PDE7A: variants seen among roughly 807,000 people sequenced by gnomAD.
PDE7A encodes phosphodiesterase 7A.
In PDE7A, 39 loss-of-function variants were observed where a neutral mutation model predicts 64.3. The ratio of observed to expected loss-of-function variants is 0.61; its 90% confidence interval spans 0.47 to 0.79. The LOEUF is 0.79. Among genes scored for constraint, PDE7A ranks in the 30% least tolerant of loss-of-function variants. The pLI is 0.00. For synonymous variants in PDE7A, 203 were observed against 206.8 expected (o/e 0.98, Z 0.16); for missense variants, 470 against 582.8 (o/e 0.81, Z 1.99).
intron 1 of PDE7A, among the ~76,000 whole-genome samples, chr8:65,811,138 T>G (rs907008166): frequency 1.3e-5 from 2 of 151,408 alleles, no homozygotes; most frequent in Non-Finnish European, 2.9e-5. Context: ...GAGGAGGAAG[T>G]GGAGAAAAAA....
At chr8:65,830,938 A>G (rs866861042) in intron 1 of PDE7A, among the ~76,000 whole-genome samples, 17 of 151,022 alleles carry the variant, frequency 1.1e-4, no homozygotes, top group Middle Eastern at 3.4e-3. Flanking sequence ...ATAACAGTTC[A>G]AAGAAAAAAA....
At chr8:65,785,441 T>C (rs1809526740) in intron 1 of PDE7A, among the ~76,000 whole-genome samples, 1 of 152,202 alleles carries the variant, frequency 6.6e-6, no homozygotes, top group Admixed American at 6.5e-5. Flanking sequence ...GGCATCATGC[T>C]TAAAGTGTCT....
intron 1 of PDE7A, among the ~76,000 whole-genome samples, chr8:65,830,956 T>C (rs546248434): frequency 6.6e-5 from 10 of 152,118 alleles, no homozygotes; most frequent in Non-Finnish European, 1.3e-4. Context: ...AAAAAGACTA[T>C]AAAAAATTCT....
chr8:65,830,586 T>C (rs1252858096), intron 1 of PDE7A, among the ~76,000 whole-genome samples: 1 of 152,118 alleles, frequency 6.6e-6, no homozygotes, highest in Non-Finnish European at 1.5e-5. Context: ...TCTATCCCAC[T>C]GAAAACGCAT....
intron 5 of PDE7A, among the ~76,000 whole-genome samples, chr8:65,740,693 G>A (rs565319200): frequency 3.2e-4 from 48 of 152,204 alleles, no homozygotes; most frequent in Non-Finnish European, 6.2e-4. Context: ...GAGCTACCAC[G>A]CCTGGCCAAG....
intron 3 of PDE7A, among the ~76,000 whole-genome samples, chr8:65,759,387 C>A (rs977017250): frequency 6.6e-6 from 1 of 152,208 alleles, no homozygotes; most frequent in Non-Finnish European, 1.5e-5. Flanking sequence ...AGGGATCCGC[C>A]AGAATGACGA....
chr8:65,736,768 G>C (rs1193280493), intron 6 of PDE7A, among the ~76,000 whole-genome samples: 6 of 141,988 alleles, frequency 4.2e-5, no homozygotes, highest in African/African-American at 1.6e-4. Context: ...CTTCTCAAAA[G>C]CCCTATGTAA....
chr8:65,765,247 T>C (rs1333666707), intron 3 of PDE7A, among the ~76,000 whole-genome samples: 3 of 151,746 alleles, frequency 2.0e-5, no homozygotes, highest in Non-Finnish European at 4.4e-5. Context: ...CCCAGCACTT[T>C]GGGAGGCCGA....
chr8:65,765,322 T>A (rs1808717675), intron 3 of PDE7A, among the ~76,000 whole-genome samples: 1 of 150,290 alleles, frequency 6.7e-6, no homozygotes, highest in Admixed American at 6.6e-5. Context: ...ACCCCGTCTC[T>A]ACTAAAAATA....
At position 65,805,696 on chromosome 8, in the gene PDE7A, T is replaced by C. The variant is rs566632025; in HGVS notation, c.139-22853A>G. Among the ~76,000 whole-genome samples, 40 of 152,298 alleles carry C rather than the reference T, an allele frequency of 2.6e-4. No homozygotes were observed. The South Asian group carries it at 3.5e-3, about 13-fold the overall frequency. ...GTATAAGCCCTGGTTTGAGGGATAA[T>C]GGTACTGTGGATTCACCCTCGTGTC... On this transcript the variant is annotated intron_variant, in intron 1 of 12. Coordinates refer to ENST00000401827, the MANE Select transcript of PDE7A (RefSeq NM_001242318.3).
At chr8:65,840,822 C>T (rs1246323089) in intron 1 of PDE7A, among the ~76,000 whole-genome samples, 1 of 152,206 alleles carries the variant, frequency 6.6e-6, no homozygotes, top group East Asian at 1.9e-4. Flanking sequence ...CCTCTGATAC[C>T]CAGTACAGCC....
rs535486762 is a variant in PDE7A at position 65,718,391 on chromosome 8, T to G, written c.*899A>C. On this transcript the variant is annotated 3_prime_UTR_variant, in exon 13 of 13. Transcript: ENST00000401827. ...AAGGACACACTCTCCCATCCCACTT[T>G]TATTTCAGATTGGCAAATACCCTGA... 3 of 152,352 alleles carry G rather than the reference T, an allele frequency of 2.0e-5. No homozygotes were observed. Among genetic ancestry groups the G allele is most frequent in the East Asian group, 3.9e-4 (2 of 5,190 alleles). 9.4% of individuals were successfully genotyped at this position (152,352 alleles called of 1,614,324 possible). A position where few individuals can be genotyped will look rare whatever the true frequency, so the allele number is the denominator to read the frequency against.
At chr8:65,819,326 G>T (rs961853529) in intron 1 of PDE7A, among the ~76,000 whole-genome samples, 1 of 152,202 alleles carries the variant, frequency 6.6e-6, no homozygotes, top group African/African-American at 2.4e-5. Context: ...AAGCACGGAC[G>T]TTCAGGGTTG....
intron 1 of PDE7A, among the ~76,000 whole-genome samples, chr8:65,824,434 T>C (rs1372346587): frequency 6.6e-6 from 1 of 152,204 alleles, no homozygotes; most frequent in Non-Finnish European, 1.5e-5. Context: ...ACTTGGTTGA[T>C]AAAGCAGGGT....
chr8:65,782,224 G>C (rs1041896239), intron 2 of PDE7A, among the ~76,000 whole-genome samples: 15 of 152,144 alleles, frequency 9.9e-5, no homozygotes, highest in African/African-American at 3.1e-4. Flanking sequence ...GGATGAAGGA[G>C]ACATGGATGA....
rs1809363870 is a variant in PDE7A at position 65,779,864 on chromosome 8, A to G, written c.200-61T>C. 3 of 1,035,524 alleles carry G rather than the reference A, an allele frequency of 2.9e-6. No homozygotes were observed. In the East Asian group the frequency reaches 7.5e-5, roughly 26 times the overall value. 64.1% of individuals were successfully genotyped at this position (1,035,524 alleles called of 1,614,324 possible). ...GGTTGTCATTCGGGAAGAAGCTTCC[A>G]TATGCAACAAAGGTCCGTGTGGTAT... is the stretch of plus-strand genomic sequence containing the variant. On this transcript the variant is annotated intron_variant, in intron 2 of 12. Coordinates refer to ENST00000401827, the MANE Select transcript of PDE7A (RefSeq NM_001242318.3).
At chr8:65,771,592 AGTGGCTCACGCG>A (rs1809085670) in intron 3 of PDE7A, among the ~76,000 whole-genome samples, 1 of 152,248 alleles carries the variant, frequency 6.6e-6, no homozygotes, top group Admixed American at 6.5e-5. Flanking sequence ...GGGCGCACGC[AGTGGCTCACGCG>A]GTGGCTCACG....
At chr8:65,837,299 G>C (rs1027659094) in intron 1 of PDE7A, among the ~76,000 whole-genome samples, 1 of 152,210 alleles carries the variant, frequency 6.6e-6, no homozygotes, top group African/African-American at 2.4e-5. Flanking sequence ...AACTTGGTTA[G>C]GGTGGCAGTG....
intron 1 of PDE7A, among the ~76,000 whole-genome samples, chr8:65,832,648 C>T (rs1475840644): frequency 2.0e-5 from 3 of 152,176 alleles, no homozygotes; most frequent in East Asian, 1.9e-4. Flanking sequence ...CCATGCCTGG[C>T]TAATTTTTAA....
Sources: allele counts gnomAD v4.1 joint callset (sites outside exome capture counted in the v4.1 genomes callset), GRCh38; gene constraint gnomAD v4.1.1; transcripts MANE v1.5; gene names NCBI Gene and HGNC (gene_info 2026-07-23, HGNC 2026-07-21).